The following ATP7A variants were observed in gnomAD, a reference collection of about 807,000 sequenced individuals.
The protein encoded by ATP7A is ATPase copper transporting alpha, also known as copper-transporting ATPase 1.
ATP7A carries 7 observed loss-of-function variants against 83.5 expected under a neutral mutation model. That is an observed-to-expected ratio of 0.08 (90% confidence interval 0.05 to 0.16). ATP7A has a LOEUF of 0.16. Ranked by LOEUF, ATP7A falls within the 10% of genes least tolerant of loss-of-function variation. The pLI is 1.00. For missense variants in ATP7A, 940 were observed against 1,120.8 expected (o/e 0.84, Z 2.30); for synonymous variants, 354 against 395.2 (o/e 0.90, Z 1.24).
chrX:77,957,676 T>TG (rs1557227565), intron 1 of ATP7A, among the ~76,000 whole-genome samples: 1 of 111,096 alleles, frequency 9.0e-6, no homozygotes, highest in African/African-American at 3.3e-5. Flanking sequence ...TTGTTGTCTG[T>TG]GCTTTTGAGG....
chrX:77,981,065 C>CT (rs1557230863), intron 2 of ATP7A, among the ~76,000 whole-genome samples: 3 of 111,510 alleles, frequency 2.7e-5, no homozygotes, highest in African/African-American at 9.8e-5. Context: ...CTGCACCTTG[C>CT]TTTTTTTTAA....
chrX:78,014,818 CAGA>C, intron 11 of ATP7A, 65 bp downstream of exon 11: 1 of 831,394 alleles, frequency 1.2e-6, no homozygotes, highest in Non-Finnish European at 1.8e-6. Flanking sequence ...CAAATATATA[CAGA>C]AGTAGAAAAA....
Position 78,009,532 on chromosome X carries a change from G to A in ATP7A, c.1869+269G>A, listed in dbSNP as rs782225698. 4 of 309,424 alleles carry A rather than the reference G, an allele frequency of 1.3e-5. No homozygotes were observed. In the East Asian group the frequency reaches 1.8e-4, roughly 14 times the overall value. The allele number at this position is 309,424 out of a possible 1,213,427, so 25.5% of individuals were successfully genotyped here. A position where few individuals can be genotyped will look rare whatever the true frequency, so the allele number is the denominator to read the frequency against. On this transcript the variant is annotated intron_variant, in intron 7 of 22. Coordinates refer to ENST00000341514, the MANE Select transcript of ATP7A (RefSeq NM_000052.7). The stretch of plus-strand genomic sequence containing the variant: ...AAAACACTTAAAATATTTAGAAAAT[G>A]GAAATAAAGTATAATTTGTTATAAA...
At chrX:77,915,312 G>C (rs1557222399) in intron 1 of ATP7A, among the ~76,000 whole-genome samples, 1 of 107,013 alleles carries the variant, frequency 9.3e-6, no homozygotes, top group Non-Finnish European at 1.9e-5. Context: ...GACAGAGTGA[G>C]ACCCTGTCTT....
intron 14 of ATP7A, among the ~76,000 whole-genome samples, chrX:78,027,764 G>T (rs1307449807): frequency 9.0e-6 from 1 of 111,205 alleles, no homozygotes; most frequent in African/African-American, 3.3e-5. Context: ...GAACAAAATA[G>T]AGAACCCAGA....
At chrX:78,002,908 ATTGT>A (rs1315826658) in intron 5 of ATP7A, among the ~76,000 whole-genome samples, 161 bp from the exon 6 acceptor site, 2 of 110,017 alleles carry the variant, frequency 1.8e-5, no homozygotes, top group African/African-American at 6.6e-5. Context: ...AATAGTTCTA[ATTGT>A]TTGGGGTCAA....
intron 4 of ATP7A, among the ~76,000 whole-genome samples, chrX:77,993,176 G>C (rs1557232244): frequency 1.8e-5 from 2 of 111,909 alleles, no homozygotes; most frequent in Non-Finnish European, 3.8e-5. Flanking sequence ...ATCACATATG[G>C]TATAAAACTG....
intron 4 of ATP7A, among the ~76,000 whole-genome samples, chrX:77,994,659 C>T (rs1386221040): frequency 1.8e-5 from 2 of 110,936 alleles, no homozygotes; most frequent in Admixed American, 9.7e-5. Flanking sequence ...CCCACCTCAG[C>T]CTCCTGAGTG....
intron 7 of ATP7A, 51 bp from the exon 8 acceptor site, chrX:78,011,125 A>G (rs1557234385): frequency 6.5e-6 from 7 of 1,072,262 alleles, no homozygotes; most frequent in Non-Finnish European, 9.1e-6. Context: ...ATTTCTCTAT[A>G]CAATATTTAT....
At chrX:77,989,153 G>A in intron 3 of ATP7A, 80 bp from the exon 4 acceptor site, 1 of 1,003,003 alleles carries the variant, frequency 1.0e-6, no homozygotes, top group Non-Finnish European at 1.4e-6. Flanking sequence ...ATTATTTGTG[G>A]TTATTGATTT....
chrX:77,914,955 G>C (rs2077177612), intron 1 of ATP7A, among the ~76,000 whole-genome samples: 1 of 111,160 alleles, frequency 9.0e-6, no homozygotes, highest in Non-Finnish European at 1.9e-5. Context: ...GATGCTTCAA[G>C]GTATCTTAAC....
intron 1 of ATP7A, among the ~76,000 whole-genome samples, chrX:77,919,361 T>G (rs995558221): frequency 2.7e-5 from 3 of 112,334 alleles, no homozygotes; most frequent in Admixed American, 9.5e-5. Flanking sequence ...CCAAATTTGT[T>G]GTCTAGTTCT....
chrX:78,040,573 G>C lies in ATP7A; in HGVS notation c.3659-18G>C. 1 of 1,207,595 alleles carries C rather than the reference G, an allele frequency of 8.3e-7. No homozygotes were observed. ...ACTATATTCCAAGTTCTTTTATTTT[G>C]TGCTGCCCCTATATTAGATGAGCTG... On this transcript the variant is annotated intron_variant, in intron 18 of 22. Coordinates refer to ENST00000341514, the MANE Select transcript of ATP7A (RefSeq NM_000052.7).
At chrX:77,979,154 T>G (rs1162124340) in intron 2 of ATP7A, among the ~76,000 whole-genome samples, 1 of 111,268 alleles carries the variant, frequency 9.0e-6, no homozygotes, top group African/African-American at 3.3e-5. Context: ...ATTTTTGTTA[T>G]GCGCTCAGAA....
intron 1 of ATP7A, among the ~76,000 whole-genome samples, chrX:77,931,797 G>A (rs1434106560): frequency 2.0e-5 from 2 of 102,467 alleles, no homozygotes; most frequent in East Asian, 3.3e-4. Flanking sequence ...CCTCCTGGAC[G>A]GGGCGGCTGG....
intron 14 of ATP7A, among the ~76,000 whole-genome samples, chrX:78,026,371 C>T (rs970556105): frequency 8.9e-6 from 1 of 111,990 alleles, no homozygotes; most frequent in African/African-American, 3.2e-5. Flanking sequence ...GATCTCAATT[C>T]AACAAGAAGA....
At chrX:78,044,319 C>A (rs1173282921) in intron 21 of ATP7A, among the ~76,000 whole-genome samples, 1 of 107,823 alleles carries the variant, frequency 9.3e-6, no homozygotes, top group Non-Finnish European at 1.9e-5. Context: ...CAATAAAAAT[C>A]TGTATGCCTT....
At chrX:77,920,927 G>A (rs1353690697) in intron 1 of ATP7A, among the ~76,000 whole-genome samples, 1 of 111,667 alleles carries the variant, frequency 9.0e-6, no homozygotes, top group Non-Finnish European at 1.9e-5. Context: ...CCCACCAACA[G>A]TACCTAAGCA....
At position 78,043,398 on chromosome X, in the gene ATP7A, C is replaced by T; in HGVS notation, c.4087C>T (p.Leu1363=). ...GATTCGGATAAATTTTGTCTTTGCT[C>T]TAATTTATAATCTGGTTGGAATTCC... is the stretch of plus-strand genomic sequence containing the variant. ...KRIRINFVFA[L]IYNLVGIPIA... Residue 1363 remains leucine, a synonymous_variant, in exon 21 of 23, where the codon CTA becomes TTA. Transcript: ENST00000341514. The T allele has an allele frequency of 8.3e-7, 1 of 1,209,060 alleles. No individual in the cohort carries two copies.
Sources: allele counts gnomAD v4.1 joint callset (sites outside exome capture counted in the v4.1 genomes callset), GRCh38; gene constraint gnomAD v4.1.1; transcripts MANE v1.5; gene names NCBI Gene and HGNC (gene_info 2026-07-23, HGNC 2026-07-21).